ZNF804B: variants seen among roughly 807,000 people sequenced by gnomAD.
The protein encoded by ZNF804B is zinc finger protein 804B, also known as zinc finger 804B.
In ZNF804B, 80 loss-of-function variants were observed where a neutral mutation model predicts 101.4. That is an observed-to-expected ratio of 0.79 (90% CI 0.66 to 0.95). The LOEUF (loss-of-function observed/expected upper bound fraction) is 0.95, where lower values mean the gene tolerates loss of function less well. ZNF804B is among the 40% of genes least tolerant of loss of function. ZNF804B has a pLI of 0.00. For synonymous variants in ZNF804B, 622 were observed against 558.8 expected (o/e 1.11, Z -1.59); for missense variants, 1,673 against 1,561.9 (o/e 1.07, Z -1.20).
intron 1 of ZNF804B, among the ~76,000 whole-genome samples, chr7:88,854,121 C>T (rs1229839437): frequency 6.6e-6 from 1 of 152,082 alleles, no homozygotes; most frequent in Non-Finnish European, 1.5e-5. Flanking sequence ...GGTCTATCAA[C>T]ATAATAATAA....
intron 1 of ZNF804B, among the ~76,000 whole-genome samples, chr7:89,102,828 G>A (rs1073591): frequency 0.83 from 125,444 of 151,768 alleles, 52,409 homozygotes; most frequent in African/African-American, 0.96. Context: ...ACATTTAGGT[G>A]TTTAATCCAT....
intron 1 of ZNF804B, among the ~76,000 whole-genome samples, chr7:88,768,558 A>T (rs1790017556): frequency 6.6e-6 from 1 of 152,140 alleles, no homozygotes; most frequent in Non-Finnish European, 1.5e-5. Context: ...CTCTACTAAA[A>T]ATACAAAAAG....
intron 1 of ZNF804B, among the ~76,000 whole-genome samples, chr7:88,854,095 G>T (rs1374748983): frequency 6.6e-6 from 1 of 151,898 alleles, no homozygotes; most frequent in Non-Finnish European, 1.5e-5. Flanking sequence ...CTTGGTAGTG[G>T]TTTCCGTATT....
intron 1 of ZNF804B, among the ~76,000 whole-genome samples, chr7:89,201,932 CA>C (rs374713647): frequency 5.2e-4 from 79 of 152,126 alleles, no homozygotes; most frequent in African/African-American, 1.8e-3. Flanking sequence ...TGTTCCAGAG[CA>C]GCATGACTAT....
rs758597833 is a variant in ZNF804B at position 88,847,540 on chromosome 7, G to GAATC, written c.108+87458_108+87461dup. Among the ~76,000 whole-genome samples the GAATC allele has an allele frequency of 2.0e-5, 3 of 152,100 alleles. No individual in the cohort carries two copies. The East Asian group carries it at 5.8e-4, about 29-fold the overall frequency. On this transcript the variant is annotated intron_variant, in intron 1 of 3. Transcript: ENST00000333190. The stretch of plus-strand genomic sequence containing the variant: ...AATGTCTACACAGGTTTGATCAGGA[G>GAATC]AATCAGTGGAATAGATAATATTAAA...
chr7:89,317,311 G>A (rs1021836839), intron 2 of ZNF804B, among the ~76,000 whole-genome samples: 1 of 152,168 alleles, frequency 6.6e-6, no homozygotes, highest in Non-Finnish European at 1.5e-5. Flanking sequence ...GTGAAGGGGT[G>A]GAAAACATGC....
intron 1 of ZNF804B, among the ~76,000 whole-genome samples, chr7:89,203,189 G>C (rs150175036): frequency 1.3e-5 from 2 of 152,020 alleles, no homozygotes; most frequent in African/African-American, 4.8e-5. Flanking sequence ...CCACAGTATG[G>C]GTGGGCTACA....
chr7:88,884,879 T>C lies in ZNF804B; in HGVS notation c.108+124795T>C, dbSNP rs142886229. Among the ~76,000 whole-genome samples the C allele has an allele frequency of 1.5e-3, 228 of 152,048 alleles. 3 individuals are homozygous for C. Among genetic ancestry groups the C allele is most frequent in the East Asian group, 5.0e-3 (26 of 5,184 alleles). On this transcript the variant is annotated intron_variant, in intron 1 of 3. Transcript: ENST00000333190. The stretch of plus-strand genomic sequence containing the variant: ...TGTCTTTGAGTGGAAGTCACCATAA[T>C]GGCAGTCTACAATTATGTTTATTAG...
At chr7:88,849,090 T>C (rs1791415218) in intron 1 of ZNF804B, among the ~76,000 whole-genome samples, 1 of 152,154 alleles carries the variant, frequency 6.6e-6, no homozygotes, top group Admixed American at 6.6e-5. Context: ...CCATAAAATA[T>C]TCCTTTATAT....
At chr7:89,312,819 G>GAAA (rs112158486) in intron 2 of ZNF804B, among the ~76,000 whole-genome samples, 4 of 96,392 alleles carry the variant, frequency 4.1e-5, no homozygotes, top group African/African-American at 7.1e-5. Flanking sequence ...ATCAAGAAAA[G>GAAA]AAAAAAAAAA....
intron 1 of ZNF804B, among the ~76,000 whole-genome samples, chr7:89,149,305 G>GT (rs1455692437): frequency 2.0e-5 from 3 of 152,044 alleles, no homozygotes; most frequent in Non-Finnish European, 2.9e-5. Flanking sequence ...GTCTTTGCAA[G>GT]TAGGATCCAG....
intron 1 of ZNF804B, among the ~76,000 whole-genome samples, chr7:88,926,943 C>CCGG (rs1554346833): frequency 1.5e-4 from 21 of 144,352 alleles, no homozygotes; most frequent in African/African-American, 4.8e-4. Context: ...TGGTGGGGAG[C>CCGG]GGGGGGAAAG....
At chr7:88,915,767 T>C (rs1792623610) in intron 1 of ZNF804B, among the ~76,000 whole-genome samples, 1 of 145,864 alleles carries the variant, frequency 6.9e-6, no homozygotes, top group Non-Finnish European at 1.5e-5. Flanking sequence ...ACAAAGTTAT[T>C]TATTTAATGT....
chr7:88,843,184 T>A (rs568140227), intron 1 of ZNF804B, among the ~76,000 whole-genome samples: 95 of 152,268 alleles, frequency 6.2e-4, no homozygotes, highest in African/African-American at 2.2e-3. Flanking sequence ...GTGGTACCCC[T>A]ATTTACAACA....
chr7:88,860,225 A>G (rs978380764), intron 1 of ZNF804B, among the ~76,000 whole-genome samples: 48 of 152,202 alleles, frequency 3.2e-4, no homozygotes, highest in African/African-American at 1.0e-3. Flanking sequence ...GCAATAGTAT[A>G]TTCAAAACCT....
chr7:89,271,529 T>G (rs929730438), intron 2 of ZNF804B, among the ~76,000 whole-genome samples: 1 of 152,112 alleles, frequency 6.6e-6, no homozygotes, highest in Non-Finnish European at 1.5e-5. Flanking sequence ...TAAAATTCTT[T>G]TTTTTGTTGT....
intron 1 of ZNF804B, among the ~76,000 whole-genome samples, chr7:88,889,340 T>C (rs1248996449): frequency 1.3e-5 from 2 of 152,130 alleles, no homozygotes; most frequent in Non-Finnish European, 1.5e-5. Flanking sequence ...CAAGGAACTC[T>C]ATTTTGAGTT....
intron 2 of ZNF804B, among the ~76,000 whole-genome samples, chr7:89,257,329 G>T (rs1477856515): frequency 3.3e-5 from 5 of 152,052 alleles, no homozygotes; most frequent in African/African-American, 1.2e-4. Flanking sequence ...CTGCATGGTT[G>T]TTCCTTCATA....
intron 1 of ZNF804B, among the ~76,000 whole-genome samples, chr7:88,843,324 A>T (rs1791314633): frequency 1.3e-5 from 2 of 152,192 alleles, no homozygotes; most frequent in African/African-American, 4.8e-5. Context: ...AACTCAAATG[A>T]TTGTGGTAAC....
Sources: gnomAD v4.1 joint callset for allele counts (sites outside exome capture counted in the v4.1 genomes callset) on GRCh38, gnomAD v4.1.1 for gene constraint, MANE v1.5 for transcripts, NCBI Gene and HGNC (gene_info 2026-07-23, HGNC 2026-07-21) for gene names.